The following ABCA1 variants were observed in gnomAD, a reference collection of about 807,000 sequenced individuals.
ABCA1 encodes phospholipid-transporting ATPase ABCA1.
ABCA1 carries 133 observed loss-of-function variants against 262.5 expected under a neutral mutation model. The observed-to-expected ratio is 0.51, with a 90% CI of 0.44 to 0.59. The LOEUF (loss-of-function observed/expected upper bound fraction) is 0.59, where lower values mean the gene tolerates loss of function less well. Among genes scored for constraint, ABCA1 ranks in the 20% least tolerant of loss-of-function variants. The pLI, the probability that ABCA1 is intolerant of heterozygous loss-of-function variation, is 0.00. For missense variants in ABCA1, 2,452 were observed against 2,777.5 expected, an observed-to-expected ratio of 0.88 and a Z score of 2.63; for synonymous variants, 1,022 against 1,043.5, an observed-to-expected ratio of 0.98 and a Z score of 0.40.
At chr9:104,862,661 G>GCCCCCCCCC (rs1466207211) in intron 5 of ABCA1, among the ~76,000 whole-genome samples, 1 of 2,516 alleles carries the variant, frequency 4.0e-4, no homozygotes, top group Non-Finnish European at 7.9e-4. Context: ...GGCCGGGCCG[G>GCCCCCCCCC]GCCGGGCCGG....
intron 48 of ABCA1, among the ~76,000 whole-genome samples, chr9:104,785,865 C>A (rs1297074385): frequency 2.0e-5 from 3 of 152,186 alleles, no homozygotes; most frequent in Non-Finnish European, 4.4e-5. Context: ...CTCACCTGGA[C>A]CCATGAAGTC....
rs1367865438 is a variant in ABCA1 at position 104,817,453 on chromosome 9, G to A, written c.3463-49C>T. The A allele has an allele frequency of 1.2e-6, 2 of 1,601,636 alleles. No homozygotes were observed. The highest frequency in any genetic ancestry group is 1.7e-6 in the Non-Finnish European group (2 of 1,169,024). ...AACGGGTCAGGGACGGAGCAAGGCAGAGCCACCAGCACCTTCGCCGGGGAG... is the reference window on the plus strand; with the variant it reads ...AACGGGTCAGGGACGGAGCAAGGCAAAGCCACCAGCACCTTCGCCGGGGAG... On this transcript the variant is annotated intron_variant, in intron 23 of 49. Transcript: ENST00000374736. This position sits in a 1 kb window ranked among gnomAD's most constrained non-coding sequence, Gnocchi z 4.7.
intron 29 of ABCA1, 102 bp from the exon 30 acceptor site, chr9:104,809,666 T>G: frequency 9.7e-7 from 1 of 1,034,616 alleles, no homozygotes; most frequent in Non-Finnish European, 1.5e-6. Context: ...AGCATTTCTC[T>G]GTGACAGGCT....
chr9:104,799,494 A>G (rs1830159011), intron 36 of ABCA1: 1 of 984,896 alleles, frequency 1.0e-6, no homozygotes, highest in Non-Finnish European at 1.2e-6. Context: ...CAAATTTAAA[A>G]CAGTGGTTTT....
chr9:104,856,697 G>T (rs1835868332), intron 7 of ABCA1, among the ~76,000 whole-genome samples: 1 of 152,192 alleles, frequency 6.6e-6, no homozygotes, highest in African/African-American at 2.4e-5. Flanking sequence ...AAACAGAAGT[G>T]AAATGGAATG....
At chr9:104,810,685 G>C in intron 29 of ABCA1, 115 bp downstream of exon 29, 1 of 1,526,878 alleles carries the variant, frequency 6.5e-7, no homozygotes, top group South Asian at 1.1e-5. Context: ...GACCTGAGCC[G>C]CAGCAGTAAA....
At chr9:104,865,424 G>A (rs1429039318) in intron 5 of ABCA1, among the ~76,000 whole-genome samples, 1 of 151,162 alleles carries the variant, frequency 6.6e-6, no homozygotes, top group Non-Finnish European at 1.5e-5. Context: ...GCTGAAGCAG[G>A]AGGATCACTT....
chr9:104,920,841 T>G (rs2472510), intron 1 of ABCA1, among the ~76,000 whole-genome samples: 34,971 of 152,096 alleles, frequency 0.23, 4,515 homozygotes, highest in South Asian at 0.36. Context: ...CTGAAAACAC[T>G]CGTATGAATA....
At chr9:104,920,097 C>CATTTT (rs1327970349) in intron 1 of ABCA1, among the ~76,000 whole-genome samples, 1 of 152,178 alleles carries the variant, frequency 6.6e-6, no homozygotes, top group East Asian at 1.9e-4. Context: ...CAAGTAGTAT[C>CATTTT]ATTTTACAGA....
chr9:104,824,511 A>G lies in ABCA1; in HGVS notation c.2610T>C (p.Ser870=). 3 of 1,614,090 alleles carry G rather than the reference A, an allele frequency of 1.9e-6. No homozygotes were observed. Among genetic ancestry groups the G allele is most frequent in the Non-Finnish European group, 2.5e-6 (3 of 1,180,026 alleles). Residue 870 remains serine (S), a synonymous_variant, in exon 18 of 50, where the codon AGT becomes AGC. Coordinates refer to ENST00000374736, the MANE Select transcript of ABCA1 (RefSeq NM_005502.4). The part of the protein sequence containing the change: ...CTKSYWFGEE[S]DEKSHPGSNQ... ...TGGAACCAGGGTGGCTCTTCTCATC[A>G]CTTTCCTCGCCAAACCAGTAGGACT...
chr9:104,814,570 C>A (rs1351805999), intron 25 of ABCA1, 95 bp from the exon 26 acceptor site: 1 of 1,223,656 alleles, frequency 8.2e-7, no homozygotes, highest in Admixed American at 1.7e-5. Flanking sequence ...GGCATGTTAG[C>A]CCCGTAAGAC....
In ABCA1 at chr9:104,781,760, A is replaced by G. The variant is rs1828559179; in HGVS notation, c.*2555T>C. The G allele has an allele frequency of 6.6e-6, 1 of 152,640 alleles. No individual in the cohort carries two copies. Among genetic ancestry groups the G allele is most frequent in the Non-Finnish European group, 1.5e-5 (1 of 68,014 alleles). The allele number at this position is 152,640 out of a possible 1,614,324, so 9.5% of individuals were successfully genotyped here. A position where few individuals can be genotyped will look rare whatever the true frequency, so the allele number is the denominator to read the frequency against. On this transcript the variant is annotated 3_prime_UTR_variant, in exon 50 of 50. Coordinates refer to ENST00000374736, the MANE Select transcript of ABCA1 (RefSeq NM_005502.4). Reference sequence around the variant, plus strand: ...TTCTGAGGTGTCCCAAAGATGCAAAAGCAGAAATTTTTGAACACGTATTTT... The same window carrying G: ...TTCTGAGGTGTCCCAAAGATGCAAAGGCAGAAATTTTTGAACACGTATTTT...
Position 104,784,399 on chromosome 9 carries a change from TGA to T in ABCA1, c.6700_6701del (p.Ser2234IlefsTer20), listed in dbSNP as rs1309470299. The T allele has an allele frequency of 1.9e-6, 3 of 1,614,166 alleles. No individual in the cohort carries two copies. The highest frequency in any genetic ancestry group is 1.7e-5 in the Admixed American group (1 of 60,024). On this transcript the variant is annotated frameshift_variant, in exon 50 of 50. Transcript: ENST00000374736. LOFTEE classifies it high-confidence loss of function. ...QSDDDHLKDL[S>X]LHKNQTVVDV... ...CCACTACTGTCTGGTTTTTGTGTAATGAGAGGTCTTTTAAGTGGTCATCATCA... is the reference window on the plus strand; with the variant it reads ...CCACTACTGTCTGGTTTTTGTGTAATGAGGTCTTTTAAGTGGTCATCATCA...
chr9:104,840,407 C>T lies in ABCA1; in HGVS notation c.926G>A (p.Cys309Tyr). 6.2e-7 allele frequency: 1 copy of T among 1,614,196 alleles called. No individual in the cohort carries two copies. Among genetic ancestry groups the T allele is most frequent in the Non-Finnish European group, 8.5e-7 (1 of 1,180,034 alleles). The change falls in exon 9 of 50, where the codon TGC (cysteine) becomes TAC (tyrosine). Residue 309 changes from cysteine (C) to tyrosine (Y), a missense_variant. Physicochemically the swap from Cys to Tyr is radical, Grantham distance 194. Around this residue, in one of 4 missense-constraint regions of ABCA1, gnomAD observed 1,032 missense variants for 1,089.7 expected, o/e 0.95. Transcript: ENST00000374736. The stretch of plus-strand genomic sequence containing the variant: ...CAGCCCCCCTCCCTCGGGATGCCCG[C>T]AGACAATACGAGACACAGCCTGGTA... ...QIYQAVSRIV[C>Y]GHPEGGGLKI...
At chr9:104,908,950 CTCA>C (rs1841333031) in intron 1 of ABCA1, among the ~76,000 whole-genome samples, 1 of 152,146 alleles carries the variant, frequency 6.6e-6, no homozygotes, top group African/African-American at 2.4e-5. Flanking sequence ...TTTGTCAAAA[CTCA>C]TCATACTTTT....
chr9:104,914,084 C>T (rs78553186), intron 1 of ABCA1, among the ~76,000 whole-genome samples: 2,179 of 151,820 alleles, frequency 0.014, 26 homozygotes, highest in Middle Eastern at 0.017. Flanking sequence ...CAGGCGTGAG[C>T]CACCGCACCC....
intron 5 of ABCA1, among the ~76,000 whole-genome samples, chr9:104,874,912 G>C (rs572238671): frequency 1.3e-5 from 2 of 149,758 alleles, no homozygotes; most frequent in Non-Finnish European, 3.0e-5. Flanking sequence ...TCCGGGAGGT[G>C]GGGGGCGCCT....
intron 5 of ABCA1, among the ~76,000 whole-genome samples, chr9:104,862,397 C>T (rs1326005390): frequency 6.6e-6 from 1 of 152,086 alleles, no homozygotes; most frequent in Non-Finnish European, 1.5e-5. Context: ...GCGTGAGCCA[C>T]CATGCCCGGT....
At chr9:104,876,934 T>A (rs1331222959) in intron 5 of ABCA1, among the ~76,000 whole-genome samples, 1 of 152,224 alleles carries the variant, frequency 6.6e-6, no homozygotes, top group African/African-American at 2.4e-5. Flanking sequence ...GGGGGCTCTC[T>A]TTTTAAAACA....
Sources: allele counts gnomAD v4.1 joint callset (sites outside exome capture counted in the v4.1 genomes callset), GRCh38; gene constraint gnomAD v4.1.1; regional missense constraint gnomAD v4.1.1; non-coding constraint Gnocchi (gnomAD v3.1); transcripts MANE v1.5; gene names NCBI Gene and HGNC (gene_info 2026-07-23, HGNC 2026-07-21).